Variants in HAP1 observed in about 807,000 individuals in gnomAD.
HAP1 encodes huntingtin-associated protein 1.
HAP1 carries 59 observed loss-of-function variants against 60.3 expected under a neutral mutation model. That is an observed-to-expected ratio of 0.98 (90% CI 0.79 to 1.22). The LOEUF is 1.22. HAP1 is among the 50% of genes most tolerant of loss of function. The pLI is 0.00. For synonymous variants in HAP1, 346 were observed against 330.6 expected, an observed-to-expected ratio of 1.05 and a Z score of -0.50; for missense variants, 825 against 785.3, an observed-to-expected ratio of 1.05 and a Z score of -0.60.
intron 1 of HAP1, 117 bp downstream of exon 1, chr17:41,734,049 G>T: frequency 1.3e-6 from 1 of 750,402 alleles, no homozygotes. Flanking sequence ...CGCGGGGGTG[G>T]TGGACGGGTG....
chr17:41,734,543 G>C lies in HAP1; in HGVS notation c.92C>G (p.Ala31Gly), dbSNP rs1311593945. 16 of 1,609,922 alleles carry C rather than the reference G, an allele frequency of 9.9e-6. No individual in the cohort carries two copies. The highest frequency in any genetic ancestry group is 1.4e-5 in the Non-Finnish European group (16 of 1,179,314). The change falls in exon 1 of 11, where the codon GCC (alanine) becomes GGC (glycine). Residue 31 changes from alanine (A) to glycine (G), a missense_variant. By Grantham distance (60) the Ala-to-Gly change is moderately conservative (BLOSUM62 0). Transcript: ENST00000347901. ...AALTCAPSPS[A>G]SPAPEPSAQP... Reference sequence around the variant, plus strand: ...CGCAGAGGGCTCCGGAGCGGGACTGGCTGAGGGCGAAGGTGCACAGGTGAG... The same window carrying C: ...CGCAGAGGGCTCCGGAGCGGGACTGCCTGAGGGCGAAGGTGCACAGGTGAG...
rs58077555 is a variant in HAP1, at chr17:41,726,410, CA to C, written c.1368-514del. Among the ~76,000 whole-genome samples the C allele has an allele frequency of 3.4e-5, 5 of 145,136 alleles. 1 individual carries two copies. The highest frequency in any genetic ancestry group is 2.8e-4 in the Admixed American group (4 of 14,534). The stretch of plus-strand genomic sequence containing the variant: ...CAAAACAAGACTCCATCTCAAAAAA[CA>C]AAAAAAAAATTAGCCAGGCTCGTGC... On this transcript the variant is annotated intron_variant, in intron 9 of 10. Transcript: ENST00000347901.
chr17:41,732,133 G>A lies in HAP1; in HGVS notation c.715-15C>T, dbSNP rs371996773. The A allele has an allele frequency of 1.1e-5, 18 of 1,613,454 alleles. No individual in the cohort carries two copies. The highest frequency in any genetic ancestry group is 4.5e-5 in the East Asian group (2 of 44,894). ...AGGTATAAAATCTGGCAGGAAGAGA[G>A]AGGAGCCATGGGTTGGGAGTGGGCA... is the stretch of plus-strand genomic sequence containing the variant. On this transcript the variant is annotated splice_polypyrimidine_tract_variant and intron_variant, in intron 3 of 10. Coordinates refer to ENST00000347901, the MANE Select transcript of HAP1 (RefSeq NM_177977.3).
Position 41,734,580 on chromosome 17 carries a change from C to G in HAP1, c.55G>C (p.Asp19His). The stretch of plus-strand genomic sequence containing the variant: ...GGTGCACAGGTGAGTGCTGCTGGGT[C>G]CCCGGGTCCGAGCCGGCTCCCCGCG... ...CCAGSRLGPG[D>H]PAALTCAPSP... Residue 19 changes from aspartate to histidine, a missense_variant, in exon 1 of 11, where the codon GAC becomes CAC. Coordinates refer to ENST00000347901, the MANE Select transcript of HAP1 (RefSeq NM_177977.3). 6.3e-7 allele frequency: 1 copy of G among 1,589,366 alleles called. No individual in the cohort carries two copies. Among genetic ancestry groups the G allele is most frequent in the Non-Finnish European group, 8.6e-7 (1 of 1,169,004 alleles).
Position 41,734,341 on chromosome 17 carries a change from G to C in HAP1, c.294C>G (p.Asp98Glu). Residue 98 changes from aspartate to glutamate, a missense_variant, in exon 1 of 11, where the codon GAC becomes GAG. By Grantham distance (45) the Asp-to-Glu change is conservative. Coordinates refer to ENST00000347901, the MANE Select transcript of HAP1 (RefSeq NM_177977.3). Reference sequence around the variant, plus strand: ...AGCGGGTCCACGGCGCGTCCGAATTGTCGGGCATAGACCGGACATCCCCTT... The same window carrying C: ...AGCGGGTCCACGGCGCGTCCGAATTCTCGGGCATAGACCGGACATCCCCTT... Reference protein sequence around the residue: ...AIQGDVRSMPDNSDAPWTRFV... With the variant: ...AIQGDVRSMPENSDAPWTRFV... The C allele has an allele frequency of 6.2e-7, 1 of 1,609,498 alleles. No homozygotes were observed. Among genetic ancestry groups the C allele is most frequent in the Non-Finnish European group, 8.5e-7 (1 of 1,177,502 alleles).
In HAP1 at chr17:41,731,548, G is replaced by T. The variant is rs782353223; in HGVS notation, c.1014C>A (p.Leu338=). ...NHQLREEASQ[L]DTLEDEEQML... is the part of the protein sequence containing the mutation. ...TCTGTTCCTCATCCTCAAGAGTGTC[G>T]AGTTGAGAGGCCTGGAGGGAGACAA... is the stretch of plus-strand genomic sequence containing the variant. Residue 338 remains leucine (L), a synonymous_variant, in exon 6 of 11, where the codon CTC becomes CTA. Coordinates refer to ENST00000347901, the MANE Select transcript of HAP1 (RefSeq NM_177977.3). The T allele has an allele frequency of 7.4e-6, 12 of 1,611,992 alleles. No homozygotes were observed. Among genetic ancestry groups the T allele is most frequent in the African/African-American group, 1.3e-5 (1 of 74,836 alleles).
rs1272219434 is a variant in HAP1, at chr17:41,723,961, C to A, written c.*740G>T. On this transcript the variant is annotated 3_prime_UTR_variant, in exon 11 of 11. Transcript: ENST00000347901. ...TCACCTAACCAATGGGGACACATCA[C>A]CTGCCACGGAATGAGGCTGATGGGA... is the stretch of plus-strand genomic sequence containing the variant. 6 of 152,370 alleles carry A rather than the reference C, an allele frequency of 3.9e-5. No homozygotes were observed. Among genetic ancestry groups the A allele is most frequent in the African/African-American group, 1.4e-4 (6 of 41,474 alleles). 9.4% of individuals were successfully genotyped at this position (152,370 alleles called of 1,614,324 possible).
Position 41,734,411 on chromosome 17 carries a change from C to T in HAP1, c.224G>A (p.Gly75Glu). 1 of 1,607,952 alleles carries T rather than the reference C, an allele frequency of 6.2e-7. No homozygotes were observed. The highest frequency in any genetic ancestry group is 1.1e-5 in the South Asian group (1 of 90,968). Residue 75 changes from glycine (G) to glutamate (E), a missense_variant, in exon 1 of 11, where the codon GGA (glycine) becomes GAA (glutamate). Coordinates refer to ENST00000347901, the MANE Select transcript of HAP1 (RefSeq NM_177977.3). ...CGGGCGCCGGGCTCCTGCCTTGGCTCCAGCCTCCGAGGCCGGGCGAGCTCC... is the reference window on the plus strand; with the variant it reads ...CGGGCGCCGGGCTCCTGCCTTGGCTTCAGCCTCCGAGGCCGGGCGAGCTCC... Reference protein sequence around the residue: ...RTGARPASEAGAKAGARRPSA... With the variant: ...RTGARPASEAEAKAGARRPSA...
At chr17:41,725,273 G>A (rs1911544754) in intron 10 of HAP1, 119 bp from the exon 11 acceptor site, 3 of 838,504 alleles carry the variant, frequency 3.6e-6, no homozygotes, top group Non-Finnish European at 5.4e-6. Flanking sequence ...AGCCAGGGGA[G>A]AGGGGAGCTA....
In HAP1 at chr17:41,734,520, C is replaced by T; in HGVS notation, c.115G>A (p.Ala39Thr). The part of the protein sequence containing the change: ...PSASPAPEPS[A>T]QPQARGTGQR... ...CCAGTGCCCCGTGCCTGCGGCTGCG[C>T]AGAGGGCTCCGGAGCGGGACTGGCT... The change falls in exon 1 of 11, where the codon GCG becomes ACG. Residue 39 changes from alanine to threonine, a missense_variant. Transcript: ENST00000347901. 1 of 1,611,832 alleles carries T rather than the reference C, an allele frequency of 6.2e-7. No individual in the cohort carries two copies. The highest frequency in any genetic ancestry group is 8.5e-7 in the Non-Finnish European group (1 of 1,179,698).
At chr17:41,726,945 C>T (rs1217663476) in intron 9 of HAP1, 108 bp downstream of exon 9, 19 of 634,190 alleles carry the variant, frequency 3.0e-5, no homozygotes, top group African/African-American at 9.1e-5. Context: ...ATGCAGTGAA[C>T]GAGGCGGGTA....
chr17:41,734,482 T>C lies in HAP1; in HGVS notation c.153A>G (p.Gly51=). 6.2e-7 allele frequency: 1 copy of C among 1,611,934 alleles called. No individual in the cohort carries two copies. Among genetic ancestry groups the C allele is most frequent in the Admixed American group, 1.7e-5 (1 of 59,996 alleles). The change falls in exon 1 of 11, where the codon GGA becomes GGG. Residue 51 remains glycine (G), a synonymous_variant. Transcript: ENST00000347901. ...ACTGGGATCCAGAGGTGGCTCGGGA[T>C]CCTACTCTCTGTCCAGTGCCCCGTG... ...PQARGTGQRV[G]SRATSGSQFL...
rs782805941 is a variant in HAP1 at position 41,732,013 on chromosome 17, C to T, written c.820G>A (p.Glu274Lys). The T allele has an allele frequency of 1.1e-5, 16 of 1,441,638 alleles. No individual in the cohort carries two copies. The highest frequency in any genetic ancestry group is 1.4e-5 in the African/African-American group (1 of 71,548). The allele number at this position is 1,441,638 out of a possible 1,614,324, so 89.3% of individuals were successfully genotyped here. The stretch of plus-strand genomic sequence containing the variant: ...TCTTCTTCCTGTTCCTCTTCTGCCT[C>T]CTTTTCTTCCTCCTCCTCTTCTTCA... ...EDEEEEEEEK[E>K]AEEEQEEEEA... The change falls in exon 4 of 11, where the codon GAG (glutamate) becomes AAG (lysine). Residue 274 changes from glutamate (E) to lysine (K), a missense_variant. Glu to Lys is a moderately conservative substitution (Grantham distance 56). Coordinates refer to ENST00000347901, the MANE Select transcript of HAP1 (RefSeq NM_177977.3).
intron 6 of HAP1, among the ~76,000 whole-genome samples, chr17:41,728,951 T>C (rs1911903187): frequency 8.3e-5 from 1 of 12,096 alleles, no homozygotes; most frequent in South Asian, 9.3e-3. Flanking sequence ...TGTTGGTTTA[T>C]TTATTTATTT....
rs995762917 is a variant in HAP1 at position 41,727,802 on chromosome 17, A to C, written c.1235T>G (p.Leu412Arg). 6.2e-7 allele frequency: 1 copy of C among 1,611,960 alleles called. No homozygotes were observed. The highest frequency in any genetic ancestry group is 8.5e-7 in the Non-Finnish European group (1 of 1,178,688). Reference sequence around the variant, plus strand: ...CATCTGGATTTCCTTCTCCGAAGCCAGCTGCTTCTGCAACTTTTCAGTCTC... The same window carrying C: ...CATCTGGATTTCCTTCTCCGAAGCCCGCTGCTTCTGCAACTTTTCAGTCTC... Reference protein sequence around the residue: ...GAETEKLQKQLASEKEIQMQL... With the variant: ...GAETEKLQKQRASEKEIQMQL... The change falls in exon 8 of 11, where the codon CTG (leucine) becomes CGG (arginine). Residue 412 changes from leucine to arginine, a missense_variant. Transcript: ENST00000347901.
downstream of HAP1, among the ~76,000 whole-genome samples, chr17:41,719,358 A>G (rs185503946): frequency 1.3e-5 from 2 of 152,338 alleles, no homozygotes; most frequent in East Asian, 3.9e-4. Flanking sequence ...TTATGTATTC[A>G]GAGAGACGAG....
chr17:41,722,247 C>G (rs1911252549), downstream of HAP1: 1 of 152,460 alleles, frequency 6.6e-6, no homozygotes, highest in Non-Finnish European at 1.5e-5. Flanking sequence ...CGGAGGGCGA[C>G]TATACTTGTT....
At chr17:41,721,210 G>A (rs547114590), downstream of HAP1, 4 of 152,434 alleles carry the variant, frequency 2.6e-5, no homozygotes, top group Admixed American at 2.0e-4. Flanking sequence ...GCCACAAAGT[G>A]TGTTTTATTT....
rs531748071 is a variant in HAP1, at chr17:41,724,713, C to T, written c.1848G>A (p.Ser616=). The T allele has an allele frequency of 7.5e-6, 12 of 1,591,014 alleles. No homozygotes were observed. In the South Asian group the frequency reaches 8.9e-5, roughly 12 times the overall value. The change falls in exon 11 of 11, where the codon TCG becomes TCA. Residue 616 remains serine, a synonymous_variant. Coordinates refer to ENST00000347901, the MANE Select transcript of HAP1 (RefSeq NM_177977.3). ...LPAASRTSCR[S]SCR The stretch of plus-strand genomic sequence containing the variant: ...CCACCCTCTCTTTTCATCGGCACGA[C>T]GATCTGCAGCTTGTCCGGCTGGCGG...
Sources: allele counts gnomAD v4.1 joint callset (sites outside exome capture counted in the v4.1 genomes callset), GRCh38; gene constraint gnomAD v4.1.1; transcripts MANE v1.5; gene names NCBI Gene and HGNC (gene_info 2026-07-23, HGNC 2026-07-21).